IL12B: variants seen among roughly 807,000 people sequenced by gnomAD.
IL12B encodes interleukin-12 subunit beta.
IL12B carries 27 observed loss-of-function variants against 39.2 expected under a neutral mutation model. The ratio of observed to expected loss-of-function variants is 0.69; its 90% CI spans 0.51 to 0.95. The LOEUF (loss-of-function observed/expected upper bound fraction) is 0.95, where lower values mean the gene tolerates loss of function less well. Among genes scored for constraint, IL12B ranks in the 40% least tolerant of loss-of-function variants. The probability of loss-of-function intolerance (pLI) is 0.00; values close to 1 mark genes in which losing one functional copy is unlikely to be tolerated. For missense variants in IL12B, 351 were observed against 397.6 expected (o/e 0.88, Z 1.00); for synonymous variants, 142 against 152.1 (o/e 0.93, Z 0.49).
rs763190982 is a variant in IL12B at position 159,326,753 on chromosome 5, C to T, written c.30G>A (p.Trp10Ter). Reference sequence around the variant, plus strand: ...GAGATGCCAGAAAAACCAGGGAAAACCAAGAGATGACCAACTGCTGGTGAC... The same window carrying T: ...GAGATGCCAGAAAAACCAGGGAAAATCAAGAGATGACCAACTGCTGGTGAC... MCHQQLVIS[W>*]FSLVFLASPL... Residue 10 changes from tryptophan to a stop codon, truncating the protein, a stop_gained, in exon 2 of 8, where the codon TGG becomes TGA. Transcript: ENST00000231228. LOFTEE classifies it high-confidence loss of function. 1.2e-6 allele frequency: 2 copies of T among 1,612,484 alleles called. No individual in the cohort carries two copies. The highest frequency in any genetic ancestry group is 1.7e-6 in the Non-Finnish European group (2 of 1,179,164).
intron 4 of IL12B, among the ~76,000 whole-genome samples, chr5:159,321,694 T>C (rs531368690): frequency 6.6e-6 from 1 of 152,298 alleles, no homozygotes; most frequent in South Asian, 2.1e-4. Context: ...AACATTTCTT[T>C]AGTAAGCATT....
chr5:159,324,754 A>G (rs1159849011), intron 2 of IL12B, among the ~76,000 whole-genome samples: 3 of 152,268 alleles, frequency 2.0e-5, no homozygotes, highest in Admixed American at 6.5e-5. Flanking sequence ...TGTGGATTAT[A>G]TAAGCTCATA....
At chr5:159,321,524 A>G (rs1318497689) in intron 4 of IL12B, among the ~76,000 whole-genome samples, 3 of 152,130 alleles carry the variant, frequency 2.0e-5, no homozygotes, top group Non-Finnish European at 2.9e-5. Flanking sequence ...ATGATTATGT[A>G]ACCATCCTTT....
chr5:159,320,170 A>G (rs1754061923), intron 5 of IL12B, 136 bp downstream of exon 5: 2 of 761,882 alleles, frequency 2.6e-6, no homozygotes, highest in Admixed American at 2.0e-5. Context: ...CAGTATCTAC[A>G]TCGTATTTTG....
rs1443086796 is a variant in IL12B at position 159,326,696 on chromosome 5, A to G, written c.87T>C (p.Asp29=). The G allele has an allele frequency of 1.2e-5, 19 of 1,607,912 alleles. No individual in the cohort carries two copies. Among genetic ancestry groups the G allele is most frequent in the Non-Finnish European group, 1.6e-5 (19 of 1,174,492 alleles). The change falls in exon 2 of 8, where the codon GAT becomes GAC. Residue 29 remains aspartate, a splice_region_variant and synonymous_variant. Transcript: ENST00000231228. ...AGAGAATAATGAGAGGCTGGTTACCATCTTTCTTCAGTTCCCATATGGCCA... is the reference window on the plus strand; with the variant it reads ...AGAGAATAATGAGAGGCTGGTTACCGTCTTTCTTCAGTTCCCATATGGCCA... ...PLVAIWELKK[D]VYVVELDWYP... is the part of the protein sequence containing the mutation.
chr5:159,319,032 G>C, intron 5 of IL12B, 139 bp from the exon 6 acceptor site: 1 of 770,760 alleles, frequency 1.3e-6, no homozygotes, highest in Non-Finnish European at 2.2e-6. Flanking sequence ...CACCTGGCTG[G>C]CAAATGTGAG....
intron 5 of IL12B, 101 bp from the exon 6 acceptor site, chr5:159,318,994 C>T: frequency 1.0e-6 from 1 of 997,310 alleles, no homozygotes; most frequent in South Asian, 1.4e-5. Flanking sequence ...GCTGTGAGTC[C>T]ACTGGATAGT....
At chr5:159,322,798 T>G (rs1403232823) in intron 3 of IL12B, among the ~76,000 whole-genome samples, 1 of 152,206 alleles carries the variant, frequency 6.6e-6, no homozygotes, top group African/African-American at 2.4e-5. Context: ...AATATCACCA[T>G]TATTTAAAGA....
rs114248023 is a variant in IL12B, at chr5:159,320,710, C to T, written c.483-190G>A. Among the ~76,000 whole-genome samples the T allele has an allele frequency of 4.4e-3, 670 of 152,324 alleles. 1 individual carries two copies. The highest frequency in any genetic ancestry group is 0.015 in the African/African-American group (642 of 41,554). On this transcript the variant is annotated intron_variant, in intron 4 of 7. Coordinates refer to ENST00000231228, the MANE Select transcript of IL12B (RefSeq NM_002187.3). Reference sequence around the variant, plus strand: ...AAAAGCTTAAATTCAAGAGCACTTACATGTCTCTGGACTAAATGAATATGG... The same window carrying T: ...AAAAGCTTAAATTCAAGAGCACTTATATGTCTCTGGACTAAATGAATATGG...
intron 2 of IL12B, chr5:159,325,411 T>G (rs1754168498): frequency 6.6e-6 from 1 of 152,062 alleles, no homozygotes. Context: ...AAGAGAGGAG[T>G]GGTCCCAGAT....
Position 159,320,501 on chromosome 5 carries a change from C to T in IL12B, c.502G>A (p.Val168Met), listed in dbSNP as rs1235273573. The T allele has an allele frequency of 1.9e-6, 3 of 1,614,118 alleles. No individual in the cohort carries two copies. The highest frequency in any genetic ancestry group is 2.5e-6 in the Non-Finnish European group (3 of 1,179,960). ...GAGAGTGTAGCAGCTCCGCACGTCACCCCTTGGGGGTCAGAAGAGCTGAAG... is the reference window on the plus strand; with the variant it reads ...GAGAGTGTAGCAGCTCCGCACGTCATCCCTTGGGGGTCAGAAGAGCTGAAG... Reference protein sequence around the residue: ...SSRGSSDPQGVTCGAATLSAE... With the variant: ...SSRGSSDPQGMTCGAATLSAE... The change falls in exon 5 of 8, where the codon GTG becomes ATG. Residue 168 changes from valine (V) to methionine (M), a missense_variant. Physicochemically the swap from Val to Met is conservative, Grantham distance 21. Coordinates refer to ENST00000231228, the MANE Select transcript of IL12B (RefSeq NM_002187.3).
Position 159,316,640 on chromosome 5 carries a change from G to T in IL12B, c.*45C>A, listed in dbSNP as rs773879958. 3.8e-6 allele frequency: 6 copies of T among 1,586,000 alleles called. No individual in the cohort carries two copies. The Admixed American group carries it at 8.8e-5, about 23-fold the overall frequency. On this transcript the variant is annotated intron_variant, in intron 7 of 7. Coordinates refer to ENST00000231228, the MANE Select transcript of IL12B (RefSeq NM_002187.3). ...CCCAATCATATCCCTGCATCCAGGT[G>T]CACTGAGAGTGCAGGCCTGGGCTGG...
intron 1 of IL12B, among the ~76,000 whole-genome samples, chr5:159,329,453 T>TC (rs971764374): frequency 1.3e-5 from 2 of 152,062 alleles, no homozygotes; most frequent in African/African-American, 4.8e-5. Flanking sequence ...CACTATTTGC[T>TC]CCCCTCCTTC....
intron 4 of IL12B, among the ~76,000 whole-genome samples, chr5:159,321,969 C>T (rs756457043): frequency 3.3e-5 from 5 of 152,066 alleles, no homozygotes; most frequent in Admixed American, 2.0e-4. Flanking sequence ...GAGGCCTCAT[C>T]GAGTTTTGGA....
rs531770868 is a variant in IL12B at position 159,314,909 on chromosome 5, A to C, written c.*1192T>G. ...TACATTACTTAAAAGTAGCACCTTC[A>C]TGGAGCCATATTTTCTGGTCATAAT... On this transcript the variant is annotated 3_prime_UTR_variant, in exon 8 of 8. Transcript: ENST00000231228. 2 of 152,488 alleles carry C rather than the reference A, an allele frequency of 1.3e-5. No individual in the cohort carries two copies. The highest frequency in any genetic ancestry group is 4.8e-5 in the African/African-American group (2 of 41,584). The allele number at this position is 152,488 out of a possible 1,614,324, so 9.4% of individuals were successfully genotyped here. A position where few individuals can be genotyped will look rare whatever the true frequency, so the allele number is the denominator to read the frequency against.
At chr5:159,322,773 C>T (rs1163837838) in intron 3 of IL12B, among the ~76,000 whole-genome samples, 1 of 152,174 alleles carries the variant, frequency 6.6e-6, no homozygotes, top group African/African-American at 2.4e-5. Context: ...GGTTAATTTC[C>T]ATTAGCCATT....
chr5:159,321,031 G>T (rs1754079838), intron 4 of IL12B, among the ~76,000 whole-genome samples: 4 of 140,078 alleles, frequency 2.9e-5, no homozygotes, highest in Admixed American at 7.4e-5. Flanking sequence ...ACAGGGTTTT[G>T]CTCTGCCACC....
chr5:159,321,835 G>A (rs948744901), intron 4 of IL12B, among the ~76,000 whole-genome samples: 1 of 152,166 alleles, frequency 6.6e-6, no homozygotes, highest in Non-Finnish European at 1.5e-5. Flanking sequence ...TTAACACATA[G>A]GTCTTGTATT....
rs751288779 is a variant in IL12B, at chr5:159,322,447, C to T, written c.429G>A (p.Trp143Ter). 7 of 1,613,908 alleles carry T rather than the reference C, an allele frequency of 4.3e-6. No individual in the cohort carries two copies. The highest frequency in any genetic ancestry group is 5.9e-6 in the Non-Finnish European group (7 of 1,179,818). The part of the protein sequence containing the change: ...AKNYSGRFTC[W>*]WLTTISTDLT... ...AATCAGTACTGATTGTCGTCAGCCA[C>T]CAGCAGGTGAAACGTCCAGAATAAT... is the stretch of plus-strand genomic sequence containing the variant. The change falls in exon 4 of 8, where the codon TGG (tryptophan) becomes TGA (stop). Residue 143 changes from tryptophan (W) to a stop codon, truncating the protein, a stop_gained. Coordinates refer to ENST00000231228, the MANE Select transcript of IL12B (RefSeq NM_002187.3). LOFTEE classifies it high-confidence loss of function.
Sources: allele counts gnomAD v4.1 joint callset (sites outside exome capture counted in the v4.1 genomes callset), GRCh38; gene constraint gnomAD v4.1.1; transcripts MANE v1.5; gene names NCBI Gene and HGNC (gene_info 2026-07-23, HGNC 2026-07-21).